The following HPSE2 variants were observed in gnomAD, a reference collection of about 807,000 sequenced individuals.
HPSE2 encodes heparanase 2 (inactive), also known as inactive heparanase-2.
In HPSE2, 38 loss-of-function variants were observed where a neutral mutation model predicts 60.5. That is an observed-to-expected ratio of 0.63 (90% CI 0.48 to 0.82). HPSE2 has a LOEUF of 0.82. Among genes scored for constraint, HPSE2 ranks in the 40% least tolerant of loss-of-function variants. The pLI, the probability that HPSE2 is intolerant of heterozygous loss-of-function variation, is 0.00. For synonymous variants in HPSE2, 295 were observed against 293.2 expected, an observed-to-expected ratio of 1.01 and a Z score of -0.06; for missense variants, 713 against 740.4, an observed-to-expected ratio of 0.96 and a Z score of 0.43.
chr10:98,914,514 C>T (rs1472962245), intron 3 of HPSE2, among the ~76,000 whole-genome samples: 1 of 150,596 alleles, frequency 6.6e-6, no homozygotes, highest in Non-Finnish European at 1.5e-5. Flanking sequence ...ATTAAGATTG[C>T]TCCAATATGC....
chr10:98,732,049 A>C (rs1324808886), intron 4 of HPSE2, among the ~76,000 whole-genome samples: 1 of 152,192 alleles, frequency 6.6e-6, no homozygotes, highest in Non-Finnish European at 1.5e-5. Flanking sequence ...TGCATCAAAA[A>C]GAATAGTATA....
chr10:98,791,733 C>T (rs1051207108), intron 3 of HPSE2, among the ~76,000 whole-genome samples: 2 of 152,008 alleles, frequency 1.3e-5, no homozygotes, highest in Non-Finnish European at 2.9e-5. Flanking sequence ...CTTATATTGT[C>T]TACTGAGTGA....
At chr10:98,728,657 T>G (rs940063994) in intron 4 of HPSE2, among the ~76,000 whole-genome samples, 1 of 152,068 alleles carries the variant, frequency 6.6e-6, no homozygotes, top group Non-Finnish European at 1.5e-5. Flanking sequence ...AAGTTAGTAT[T>G]ACTTGAAAAT....
chr10:98,899,804 T>C (rs1953612385), intron 3 of HPSE2, among the ~76,000 whole-genome samples: 1 of 148,644 alleles, frequency 6.7e-6, no homozygotes, highest in Admixed American at 6.8e-5. Context: ...TTGTTTGCTG[T>C]TGAGACAAAC....
intron 3 of HPSE2, among the ~76,000 whole-genome samples, chr10:98,879,692 C>A (rs907214586): frequency 1.3e-5 from 2 of 151,978 alleles, no homozygotes; most frequent in African/African-American, 4.8e-5. Context: ...TGTAAAGACC[C>A]ATGTGAATCA....
intron 3 of HPSE2, among the ~76,000 whole-genome samples, chr10:98,821,389 C>T (rs11189835): frequency 2.0e-5 from 3 of 152,030 alleles, no homozygotes; most frequent in African/African-American, 7.3e-5. Flanking sequence ...TAGCATGATG[C>T]TAAGTATTTG....
intron 5 of HPSE2, among the ~76,000 whole-genome samples, chr10:98,714,222 A>G (rs1455549600): frequency 6.6e-6 from 1 of 151,928 alleles, no homozygotes; most frequent in Non-Finnish European, 1.5e-5. Flanking sequence ...AATATAATTT[A>G]CATATCATAC....
chr10:99,185,630 C>T (rs538697241), intron 2 of HPSE2, among the ~76,000 whole-genome samples: 1 of 151,648 alleles, frequency 6.6e-6, no homozygotes. Context: ...AAAAATTAGC[C>T]GGGCGTAGTG....
At chr10:99,133,404 C>T (rs532547439) in intron 3 of HPSE2, among the ~76,000 whole-genome samples, 5 of 152,304 alleles carry the variant, frequency 3.3e-5, no homozygotes, top group East Asian at 1.9e-4. Context: ...GTCAGACTGC[C>T]GCCTCAAGTG....
chr10:99,174,979 T>A (rs1372807008), intron 2 of HPSE2, among the ~76,000 whole-genome samples: 1 of 152,004 alleles, frequency 6.6e-6, no homozygotes, highest in Non-Finnish European at 1.5e-5. Context: ...AGAAGCAGGG[T>A]GGAGTGTTGC....
intron 9 of HPSE2, among the ~76,000 whole-genome samples, chr10:98,542,188 A>C (rs1004308953): frequency 1.3e-5 from 2 of 152,218 alleles, no homozygotes; most frequent in African/African-American, 2.4e-5. Flanking sequence ...GCTCTTCTGC[A>C]GCCACCTCTG....
intron 9 of HPSE2, among the ~76,000 whole-genome samples, chr10:98,588,978 A>C (rs193231256): frequency 6.6e-6 from 1 of 152,270 alleles, no homozygotes; most frequent in African/African-American, 2.4e-5. Flanking sequence ...TGTTGTAGTT[A>C]TTGTGATTTT....
the HPSE2 span, among the ~76,000 whole-genome samples, chr10:99,309,512 A>C: frequency 6.6e-6 from 1 of 152,218 alleles, no homozygotes; most frequent in African/African-American, 2.4e-5. Context: ...GGCTAAAATG[A>C]AAAGGACAGA....
intron 3 of HPSE2, among the ~76,000 whole-genome samples, chr10:98,912,030 A>G (rs543254564): frequency 1.2e-4 from 18 of 152,340 alleles, no homozygotes; most frequent in Middle Eastern, 6.8e-3. Flanking sequence ...GTATCTGGCT[A>G]CATATTAAGT....
chr10:98,691,192 G>A (rs1040851294), intron 6 of HPSE2, among the ~76,000 whole-genome samples: 16 of 152,114 alleles, frequency 1.1e-4, no homozygotes, highest in Non-Finnish European at 1.8e-4. Context: ...ACTTTTCCAA[G>A]TCTTCACTGA....
chr10:98,560,280 C>T (rs1353230753), intron 9 of HPSE2, among the ~76,000 whole-genome samples: 2 of 152,222 alleles, frequency 1.3e-5, no homozygotes, highest in Admixed American at 6.5e-5. Context: ...ATGATAGGCA[C>T]CACCCACTGC....
chr10:98,917,810 T>C (rs932659348), intron 3 of HPSE2, among the ~76,000 whole-genome samples: 2 of 152,200 alleles, frequency 1.3e-5, no homozygotes, highest in African/African-American at 4.8e-5. Flanking sequence ...CTGGTAGGCA[T>C]CCAGCAAGGA....
chr10:98,485,695 C>A (rs1941415742), intron 10 of HPSE2, among the ~76,000 whole-genome samples: 2 of 152,352 alleles, frequency 1.3e-5, no homozygotes, highest in Middle Eastern at 6.8e-3. Flanking sequence ...ATTGCAGGAT[C>A]TCTAGGCTTC....
intron 2 of HPSE2, among the ~76,000 whole-genome samples, chr10:99,226,286 C>A (rs187230362): frequency 6.6e-6 from 1 of 152,148 alleles, no homozygotes; most frequent in African/African-American, 2.4e-5. Flanking sequence ...TATACCCTGG[C>A]AAACTATTAT....
Sources: gnomAD v4.1 joint callset for allele counts (sites outside exome capture counted in the v4.1 genomes callset) on GRCh38, gnomAD v4.1.1 for gene constraint, MANE v1.5 for transcripts, NCBI Gene and HGNC (gene_info 2026-07-23, HGNC 2026-07-21) for gene names.